CCDC3: variants seen among roughly 807,000 people sequenced by gnomAD.
The protein encoded by CCDC3 is coiled-coil domain-containing protein 3.
A neutral mutation model predicts 21.4 loss-of-function variants in CCDC3; 24 were observed. The ratio of observed to expected loss-of-function variants is 1.12; its 90% CI spans 0.81 to 1.58. CCDC3 has a LOEUF of 1.58. Ranked by LOEUF, CCDC3 falls within the 40% of genes most tolerant of loss-of-function variation. The probability of loss-of-function intolerance (pLI) is 0.00; values close to 1 mark genes in which losing one functional copy is unlikely to be tolerated. For synonymous variants in CCDC3, 186 were observed against 166.0 expected (o/e 1.12, Z -0.93); for missense variants, 425 against 360.9 (o/e 1.18, Z -1.44).
chr10:12,926,470 C>A (rs1248858940), intron 2 of CCDC3, among the ~76,000 whole-genome samples: 1 of 152,050 alleles, frequency 6.6e-6, no homozygotes, highest in African/African-American at 2.4e-5. Flanking sequence ...CCAGGGAGCA[C>A]AAAGAATGGC....
chr10:12,994,835 C>T (rs1835735395), intron 2 of CCDC3, among the ~76,000 whole-genome samples: 1 of 151,966 alleles, frequency 6.6e-6, no homozygotes, highest in Non-Finnish European at 1.5e-5. Context: ...AATCCCAGCA[C>T]TTTGGGAGGC....
intron 2 of CCDC3, among the ~76,000 whole-genome samples, chr10:12,900,007 T>C (rs1834068305): frequency 6.6e-6 from 1 of 152,204 alleles, no homozygotes; most frequent in African/African-American, 2.4e-5. Flanking sequence ...GTTCTTCTAA[T>C]AGTGAATAAG....
chr10:12,964,444 G>C (rs10906265), intron 2 of CCDC3, among the ~76,000 whole-genome samples: 5 of 151,994 alleles, frequency 3.3e-5, no homozygotes, highest in African/African-American at 1.2e-4. Context: ...AATCTCTCCC[G>C]CTTTCAGATC....
intron 2 of CCDC3, among the ~76,000 whole-genome samples, chr10:12,948,232 G>GC (rs1321730203): frequency 2.0e-5 from 3 of 152,110 alleles, no homozygotes; most frequent in Non-Finnish European, 2.9e-5. Flanking sequence ...CTCTTCCTTC[G>GC]CCTTCCACCA....
intron 5 of CCDC3, among the ~76,000 whole-genome samples, chr10:13,040,687 T>TCA (rs10653974): frequency 0.098 from 13,922 of 142,624 alleles, 678 homozygotes; most frequent in Non-Finnish European, 0.12. Context: ...CAAAACTCTG[T>TCA]CACACACACA....
chr10:13,095,179 T>C (rs1024062973), intron 3 of CCDC3, among the ~76,000 whole-genome samples: 5 of 152,160 alleles, frequency 3.3e-5, no homozygotes, highest in African/African-American at 1.2e-4. Context: ...GTGGAATTGC[T>C]GGGTCATATC....
chr10:13,095,711 T>G (rs1466916557), intron 3 of CCDC3, among the ~76,000 whole-genome samples: 4 of 152,206 alleles, frequency 2.6e-5, no homozygotes, highest in Non-Finnish European at 4.4e-5. Context: ...CCTGCTTTAT[T>G]GGACATAATT....
chr10:13,077,781 G>A (rs1836984518), intron 3 of CCDC3, among the ~76,000 whole-genome samples: 1 of 152,166 alleles, frequency 6.6e-6, no homozygotes, highest in South Asian at 2.1e-4. Flanking sequence ...TTTAATAAAT[G>A]GTGCTGGGAA....
rs1454206494 is a variant in CCDC3, at chr10:12,896,941, T to G, written c.*1475A>C. On this transcript the variant is annotated 3_prime_UTR_variant, in exon 3 of 3. Transcript: ENST00000378825. The stretch of plus-strand genomic sequence containing the variant: ...GACTTCTCCCCCGTGGACAGCAGCC[T>G]GCCACCAAGACTCAAGCAACGTAAG... 1.3e-5 allele frequency: 2 copies of G among 152,294 alleles called. No individual in the cohort carries two copies. The highest frequency in any genetic ancestry group is 2.4e-5 in the African/African-American group (1 of 41,444). The allele number at this position is 152,294 out of a possible 1,614,324, so 9.4% of individuals were successfully genotyped here.
chr10:13,054,937 G>T lies in CCDC3; in HGVS notation c.-269-4996C>A, dbSNP rs112610050. On this transcript the variant is annotated intron_variant, in intron 4 of 6. Transcript: ENST00000378839. The stretch of plus-strand genomic sequence containing the variant: ...CCGCCTTGGCCTCCTAAAGTGCTGG[G>T]ATTACAGGCGTGAGCCACTGCACCC... 2.1e-3 allele frequency among the ~76,000 whole-genome samples: 325 copies of T among 152,302 alleles called. 3 individuals are homozygous for T. Among genetic ancestry groups the T allele is most frequent in the African/African-American group, 7.5e-3 (312 of 41,550 alleles).
intron 4 of CCDC3, among the ~76,000 whole-genome samples, chr10:13,052,974 A>ACACG (rs1180830170): frequency 1.2e-5 from 1 of 86,868 alleles, no homozygotes; most frequent in African/African-American, 4.5e-5. Flanking sequence ...ACACACACAC[A>ACACG]CACACACACA....
At chr10:12,924,745 A>G (rs17593034) in intron 2 of CCDC3, 8,491 of 152,232 alleles carry the variant, frequency 0.056, 255 homozygotes, top group Non-Finnish European at 0.072. Context: ...AGCTTCCAAG[A>G]TCTGACGAGA....
intron 2 of CCDC3, among the ~76,000 whole-genome samples, chr10:12,938,239 A>T (rs1468809183): frequency 6.6e-6 from 1 of 152,058 alleles, no homozygotes; most frequent in Non-Finnish European, 1.5e-5. Flanking sequence ...AAGCCATCTA[A>T]CTGTATCACC....
At chr10:12,904,489 A>AAAAAAAAAAAAAAC in intron 2 of CCDC3, among the ~76,000 whole-genome samples, 3 of 149,768 alleles carry the variant, frequency 2.0e-5, no homozygotes, top group African/African-American at 4.9e-5. Context: ...AAAAAAAAAA[A>AAAAAAAAAAAAAAC]AAGACTGGCT....
At chr10:12,995,483 C>A (rs1835747510) in intron 2 of CCDC3, among the ~76,000 whole-genome samples, 2 of 152,216 alleles carry the variant, frequency 1.3e-5, no homozygotes, top group Admixed American at 1.3e-4. Flanking sequence ...CTCAAGTGAT[C>A]CGCCGACCTC....
intron 1 of CCDC3, among the ~76,000 whole-genome samples, chr10:13,000,547 T>C (rs1042430700): frequency 1.3e-5 from 2 of 152,132 alleles, no homozygotes; most frequent in Non-Finnish European, 2.9e-5. Context: ...CTAGTAAACC[T>C]TTGCTATTTC....
chr10:13,082,078 G>C (rs1480822753), intron 3 of CCDC3, among the ~76,000 whole-genome samples: 1 of 152,218 alleles, frequency 6.6e-6, no homozygotes, highest in Non-Finnish European at 1.5e-5. Context: ...TGTGTGCAGA[G>C]ACAAGAGATC....
chr10:12,904,206 C>G (rs1341154917), intron 2 of CCDC3, among the ~76,000 whole-genome samples: 3 of 151,988 alleles, frequency 2.0e-5, no homozygotes, highest in Non-Finnish European at 4.4e-5. Flanking sequence ...GTGGCTCTCG[C>G]CTGTAATCCC....
chr10:12,981,843 G>A (rs146382239), intron 2 of CCDC3, among the ~76,000 whole-genome samples: 1,753 of 152,002 alleles, frequency 0.012, 18 homozygotes, highest in Middle Eastern at 0.048. Context: ...AGAAGTGAGC[G>A]GCTGGGCACG....
Sources: gnomAD v4.1 joint callset for allele counts (sites outside exome capture counted in the v4.1 genomes callset) on GRCh38, gnomAD v4.1.1 for gene constraint, MANE v1.5 for transcripts, NCBI Gene and HGNC (gene_info 2026-07-23, HGNC 2026-07-21) for gene names.